The following TRIM44 variants were observed in gnomAD, a reference collection of about 807,000 sequenced individuals.
TRIM44 encodes tripartite motif containing 44.
Under a neutral mutation model 37.4 loss-of-function variants are expected in TRIM44, and 13 were observed. That is an observed-to-expected ratio of 0.35 (90% CI 0.23 to 0.55). The LOEUF (loss-of-function observed/expected upper bound fraction) is 0.55. Ranked by LOEUF, TRIM44 falls within the 20% of genes least tolerant of loss-of-function variation. The pLI, the probability that TRIM44 is intolerant of heterozygous loss-of-function variation, is 0.89. For synonymous variants in TRIM44, 175 were observed against 157.2 expected (o/e 1.11, Z -0.85); for missense variants, 426 against 437.2 (o/e 0.97, Z 0.23).
At chr11:35,707,014 C>T (rs1851894358) in intron 2 of TRIM44, among the ~76,000 whole-genome samples, 1 of 151,998 alleles carries the variant, frequency 6.6e-6, no homozygotes, top group Non-Finnish European at 1.5e-5. Flanking sequence ...CTAGAAAACC[C>T]CATTGTTTCA....
At chr11:35,718,786 A>G (rs562315309) in intron 2 of TRIM44, among the ~76,000 whole-genome samples, 8 of 152,066 alleles carry the variant, frequency 5.3e-5, no homozygotes, top group African/African-American at 1.9e-4. Flanking sequence ...TGCCTTTCCT[A>G]TAATGACATG....
intron 3 of TRIM44, among the ~76,000 whole-genome samples, chr11:35,734,033 C>G (rs1377626952): frequency 2.6e-5 from 4 of 152,156 alleles, no homozygotes; most frequent in African/African-American, 9.7e-5. Flanking sequence ...TTCATAACTT[C>G]CCTGTTGATT....
At chr11:35,751,248 G>A (rs1363936789) in intron 4 of TRIM44, among the ~76,000 whole-genome samples, 1 of 152,190 alleles carries the variant, frequency 6.6e-6, no homozygotes, top group Non-Finnish European at 1.5e-5. Flanking sequence ...TCTTGATAGT[G>A]CCTCTTACAT....
chr11:35,793,621 A>G lies in TRIM44; in HGVS notation c.1008-12737A>G, dbSNP rs140401353. On this transcript the variant is annotated intron_variant, in intron 4 of 4. Transcript: ENST00000299413. ...GCCCAGACTGGAGTTTGAGTCTGCCAAGGCCTTGGAACATCTTTAGCAACA... is the reference window on the plus strand; with the variant it reads ...GCCCAGACTGGAGTTTGAGTCTGCCGAGGCCTTGGAACATCTTTAGCAACA... Among the ~76,000 whole-genome samples, 619 of 152,292 alleles carry G rather than the reference A, an allele frequency of 4.1e-3. 6 individuals are homozygous for G. Among genetic ancestry groups the G allele is most frequent in the Non-Finnish European group, 6.4e-3 (437 of 68,002 alleles).
intron 4 of TRIM44, among the ~76,000 whole-genome samples, chr11:35,740,725 C>T (rs530322366): frequency 1.3e-5 from 2 of 152,268 alleles, no homozygotes; most frequent in East Asian, 3.9e-4. Flanking sequence ...TCCTTGTACT[C>T]TTATTTTTAG....
chr11:35,789,931 C>T (rs1853183378), intron 4 of TRIM44, among the ~76,000 whole-genome samples: 1 of 152,128 alleles, frequency 6.6e-6, no homozygotes, highest in Non-Finnish European at 1.5e-5. Flanking sequence ...CACTTGATTT[C>T]TAAGCCATAA....
chr11:35,670,914 A>G (rs1008063653), intron 1 of TRIM44, among the ~76,000 whole-genome samples: 1 of 152,232 alleles, frequency 6.6e-6, no homozygotes, highest in Non-Finnish European at 1.5e-5. Context: ...TTCGATAAAG[A>G]TATGAGCTTG....
chr11:35,745,888 G>C (rs1007513750), intron 4 of TRIM44, among the ~76,000 whole-genome samples: 9 of 152,226 alleles, frequency 5.9e-5, no homozygotes, highest in East Asian at 1.9e-4. Flanking sequence ...TCCACACACA[G>C]TGGCCCGGAC....
intron 4 of TRIM44, among the ~76,000 whole-genome samples, chr11:35,768,444 T>C (rs1264128416): frequency 6.6e-6 from 1 of 152,168 alleles, no homozygotes; most frequent in Admixed American, 6.5e-5. Context: ...TGTTTCCAAA[T>C]TCCACATTTT....
chr11:35,796,251 C>CCTCG (rs34280904), intron 4 of TRIM44, among the ~76,000 whole-genome samples: 1 of 151,946 alleles, frequency 6.6e-6, no homozygotes, highest in Non-Finnish European at 1.5e-5. Context: ...TGTGTATCTG[C>CCTCG]CTCGCTCGCT....
chr11:35,752,524 C>T (rs1453851276), intron 4 of TRIM44, among the ~76,000 whole-genome samples: 1 of 151,612 alleles, frequency 6.6e-6, no homozygotes, highest in African/African-American at 2.4e-5. Context: ...AGAGTAAGTC[C>T]GCAAGTCCCC....
chr11:35,748,100 AAAG>A (rs1852513974), intron 4 of TRIM44, among the ~76,000 whole-genome samples: 1 of 152,142 alleles, frequency 6.6e-6, no homozygotes, highest in Non-Finnish European at 1.5e-5. Context: ...TCGCCTGAGG[AAAG>A]AAGATTGTCA....
intron 4 of TRIM44, among the ~76,000 whole-genome samples, chr11:35,796,896 C>CT (rs1445602545): frequency 2.6e-5 from 4 of 152,190 alleles, no homozygotes; most frequent in Non-Finnish European, 5.9e-5. Context: ...GGTCATCTCC[C>CT]TGCAGACACT....
intron 4 of TRIM44, among the ~76,000 whole-genome samples, chr11:35,786,044 A>G (rs1458296072): frequency 1.3e-5 from 2 of 152,230 alleles, no homozygotes; most frequent in Non-Finnish European, 2.9e-5. Flanking sequence ...AAATGTTTTC[A>G]ACCATAAATA....
Position 35,732,092 on chromosome 11 carries a change from C to T in TRIM44, c.988-3334C>T, listed in dbSNP as rs1421121627. Among the ~76,000 whole-genome samples the T allele has an allele frequency of 2.6e-5, 4 of 152,134 alleles. No homozygotes were observed. The East Asian group carries it at 7.7e-4, about 29-fold the overall frequency. ...GTTTCACCTACACCAAAATTGACAA[C>T]AATTTTTAAGTAATTCATCTTTATT... On this transcript the variant is annotated intron_variant, in intron 3 of 4. Transcript: ENST00000299413.
chr11:35,799,057 G>A (rs1479247328), intron 4 of TRIM44, among the ~76,000 whole-genome samples: 1 of 152,218 alleles, frequency 6.6e-6, no homozygotes, highest in Non-Finnish European at 1.5e-5. Context: ...TCCAGCAGCA[G>A]TAAAGGACTC....
At chr11:35,735,377 C>T (rs769600951) in intron 3 of TRIM44, 49 bp from the exon 4 acceptor site, 2 of 1,603,184 alleles carry the variant, frequency 1.2e-6, no homozygotes, top group African/African-American at 2.7e-5. Flanking sequence ...CTGACTCTGT[C>T]TGTACCAACA....
intron 1 of TRIM44, among the ~76,000 whole-genome samples, chr11:35,672,799 A>G (rs1201411944): frequency 6.6e-6 from 1 of 152,172 alleles, no homozygotes; most frequent in African/African-American, 2.4e-5. Flanking sequence ...GTATCTATTT[A>G]TATTTTTTAC....
chr11:35,805,465 G>C (rs1853435112), intron 4 of TRIM44, among the ~76,000 whole-genome samples: 1 of 152,178 alleles, frequency 6.6e-6, no homozygotes, highest in Non-Finnish European at 1.5e-5. Context: ...ACTCTGAGCA[G>C]CTGAGGTACT....
Sources: gnomAD v4.1 joint callset for allele counts (sites outside exome capture counted in the v4.1 genomes callset) on GRCh38, gnomAD v4.1.1 for gene constraint, MANE v1.5 for transcripts, NCBI Gene and HGNC (gene_info 2026-07-23, HGNC 2026-07-21) for gene names.